NTM: variants seen among roughly 807,000 people sequenced by gnomAD.
NTM encodes the protein IgLON family member 2.
In NTM, 13 loss-of-function variants were observed where a neutral mutation model predicts 42.1. That is an observed-to-expected ratio of 0.31 (90% CI 0.20 to 0.49). The LOEUF is 0.49. NTM is among the 20% of genes least tolerant of loss of function. The pLI is 0.99. For synonymous variants in NTM, 187 were observed against 179.2 expected (o/e 1.04, Z -0.35); for missense variants, 373 against 452.8 (o/e 0.82, Z 1.60).
At chr11:131,444,814 G>A (rs1949918394) in intron 1 of NTM, among the ~76,000 whole-genome samples, 2 of 152,152 alleles carry the variant, frequency 1.3e-5, no homozygotes, top group South Asian at 4.2e-4. Context: ...TGTTGGCTAA[G>A]ACTGGAGAGA....
chr11:132,328,834 C>T (rs1338246668), intron 7 of NTM, among the ~76,000 whole-genome samples: 2 of 152,132 alleles, frequency 1.3e-5, no homozygotes, highest in Non-Finnish European at 1.5e-5. Context: ...AGCTTCTGAA[C>T]TTGTTTCTGG....
chr11:131,791,950 C>T (rs192746378), intron 1 of NTM, among the ~76,000 whole-genome samples: 4 of 152,228 alleles, frequency 2.6e-5, no homozygotes, highest in Admixed American at 2.0e-4. Context: ...TGTCATAAGC[C>T]TAAGGTTAAT....
intron 1 of NTM, among the ~76,000 whole-genome samples, chr11:131,615,351 T>TTCTCTC (rs142402475): frequency 4.0e-5 from 6 of 150,504 alleles, no homozygotes; most frequent in Non-Finnish European, 7.4e-5. Flanking sequence ...TCATAGCAAG[T>TTCTCTC]TCTCTCTCTC....
At chr11:131,506,702 TG>T (rs1274010385) in intron 1 of NTM, among the ~76,000 whole-genome samples, 6 of 152,306 alleles carry the variant, frequency 3.9e-5, no homozygotes, top group Admixed American at 3.9e-4. Context: ...AGGAGTTTGA[TG>T]GGAAGGAGGC....
chr11:132,168,940 G>T (rs1402894834), intron 3 of NTM, among the ~76,000 whole-genome samples: 2 of 152,158 alleles, frequency 1.3e-5, no homozygotes, highest in Non-Finnish European at 2.9e-5. Context: ...AGGTTGTAGT[G>T]CAAGGAAGGA....
intron 2 of NTM, among the ~76,000 whole-genome samples, chr11:132,109,959 C>CCTGACAGG (rs1451596542): frequency 6.6e-6 from 1 of 152,220 alleles, no homozygotes; most frequent in Non-Finnish European, 1.5e-5. Flanking sequence ...CAGTCCTCCA[C>CCTGACAGG]CTGACAGGCT....
At chr11:131,378,963 G>A (rs577864042) in intron 1 of NTM, among the ~76,000 whole-genome samples, 1 of 152,278 alleles carries the variant, frequency 6.6e-6, no homozygotes, top group South Asian at 2.1e-4. Flanking sequence ...ACATGGCCAG[G>A]ACAGCTCCTG....
intron 1 of NTM, among the ~76,000 whole-genome samples, chr11:131,376,211 G>A (rs1424424626): frequency 2.6e-5 from 4 of 152,130 alleles, no homozygotes; most frequent in Admixed American, 2.6e-4. Flanking sequence ...TCCCCAAAAG[G>A]TTCTCTGGGA....
At chr11:132,238,354 C>G (rs2089492827) in intron 4 of NTM, among the ~76,000 whole-genome samples, 1 of 152,146 alleles carries the variant, frequency 6.6e-6, no homozygotes, top group South Asian at 2.1e-4. Context: ...CTCTGTTCTG[C>G]TGGTCCCAAA....
intron 1 of NTM, among the ~76,000 whole-genome samples, chr11:131,517,259 T>C (rs954190570): frequency 1.3e-5 from 2 of 152,164 alleles, no homozygotes; most frequent in Non-Finnish European, 2.9e-5. Flanking sequence ...TTCTGAATAA[T>C]GTGTGGGAAA....
At chr11:131,873,198 C>A (rs1479407562) in intron 1 of NTM, among the ~76,000 whole-genome samples, 1 of 152,060 alleles carries the variant, frequency 6.6e-6, no homozygotes, top group Non-Finnish European at 1.5e-5. Flanking sequence ...ATAATGAGTT[C>A]ATGTCCTTTT....
intron 4 of NTM, among the ~76,000 whole-genome samples, chr11:132,276,094 T>G (rs775682932): frequency 1.3e-5 from 2 of 152,108 alleles, no homozygotes; most frequent in Non-Finnish European, 2.9e-5. Context: ...GATCATGCAG[T>G]ATTTGTCATT....
rs182443999 is a variant in NTM at position 132,319,983 on chromosome 11, G to A, written c.934+5280G>A. 2.4e-3 allele frequency among the ~76,000 whole-genome samples: 367 copies of A among 152,236 alleles called. 2 individuals are homozygous for A. The highest frequency in any genetic ancestry group is 6.4e-3 in the African/African-American group (265 of 41,560). On this transcript the variant is annotated intron_variant, in intron 7 of 8. Transcript: ENST00000683400. ...CAATATCCCCTGTTCTGCAGCCTCCGCTGCTGATACCCAGGCAAACAGGGT... is the reference window on the plus strand; with the variant it reads ...CAATATCCCCTGTTCTGCAGCCTCCACTGCTGATACCCAGGCAAACAGGGT...
intron 1 of NTM, among the ~76,000 whole-genome samples, chr11:131,485,094 A>T (rs1266580154): frequency 6.6e-6 from 1 of 152,160 alleles, no homozygotes; most frequent in African/African-American, 2.4e-5. Flanking sequence ...CCCAATAACC[A>T]CTTGTTGTTT....
intron 1 of NTM, among the ~76,000 whole-genome samples, chr11:131,815,445 C>G (rs1273098321): frequency 6.6e-6 from 1 of 152,168 alleles, no homozygotes; most frequent in Non-Finnish European, 1.5e-5. Flanking sequence ...ACCATCCCTC[C>G]TCCCCACAGC....
chr11:131,577,132 T>C (rs1441627911), intron 1 of NTM, among the ~76,000 whole-genome samples: 1 of 152,210 alleles, frequency 6.6e-6, no homozygotes, highest in African/African-American at 2.4e-5. Context: ...CCTTTTAGCA[T>C]CAGTTTCCTC....
intron 3 of NTM, among the ~76,000 whole-genome samples, chr11:132,197,444 T>C (rs967995587): frequency 5.3e-5 from 8 of 152,120 alleles, no homozygotes; most frequent in African/African-American, 1.9e-4. Context: ...CCATTTGTCA[T>C]AACCACCCTA....
chr11:131,381,119 G>C (rs1470580291), intron 1 of NTM, among the ~76,000 whole-genome samples: 1 of 152,212 alleles, frequency 6.6e-6, no homozygotes, highest in Admixed American at 6.5e-5. Context: ...ATCAGTAGGG[G>C]AAGGGGGAAG....
intron 3 of NTM, among the ~76,000 whole-genome samples, chr11:132,176,690 C>T (rs144552960): frequency 2.3e-5 from 3 of 132,044 alleles, no homozygotes; most frequent in Non-Finnish European, 4.8e-5. Context: ...ATTTTAGCCT[C>T]TGTGAATCCT....
Sources: gnomAD v4.1 joint callset for allele counts (sites outside exome capture counted in the v4.1 genomes callset) on GRCh38, gnomAD v4.1.1 for gene constraint, MANE v1.5 for transcripts, NCBI Gene and HGNC (gene_info 2026-07-23, HGNC 2026-07-21) for gene names.